Variants in MICAL3 observed in about 807,000 individuals in gnomAD.
MICAL3 encodes microtubule associated monooxygenase, calponin and LIM domain containing 3.
MICAL3 carries 62 observed loss-of-function variants against 207.4 expected under a neutral mutation model. The ratio of observed to expected loss-of-function variants is 0.30; its 90% CI spans 0.24 to 0.37. The LOEUF (loss-of-function observed/expected upper bound fraction) is 0.37. Among genes scored for constraint, MICAL3 ranks in the 10% least tolerant of loss-of-function variants. MICAL3 has a pLI of 1.00. For missense variants in MICAL3, 2,368 were observed against 2,635.6 expected, an observed-to-expected ratio of 0.90 and a Z score of 2.22; for synonymous variants, 1,077 against 1,069.3, an observed-to-expected ratio of 1.01 and a Z score of -0.14.
At chr22:18,021,555 G>A (rs1248130268) in intron 1 of MICAL3, among the ~76,000 whole-genome samples, 3 of 152,224 alleles carry the variant, frequency 2.0e-5, no homozygotes, top group Admixed American at 2.0e-4. Flanking sequence ...ATGCATGCAT[G>A]GCTATGCACA....
chr22:17,992,090 G>C (rs369988791), intron 1 of MICAL3, among the ~76,000 whole-genome samples: 1 of 152,194 alleles, frequency 6.6e-6, no homozygotes, highest in East Asian at 1.9e-4. Context: ...CCTCTAGGAA[G>C]GGCTGCCCAG....
chr22:17,810,621 G>C, intron 28 of MICAL3, 82 bp downstream of exon 28: 2 of 1,128,198 alleles, frequency 1.8e-6, no homozygotes, highest in South Asian at 1.3e-5. Flanking sequence ...GTGCTTGTGT[G>C]GCAGGGAGCA....
At position 17,902,542 on chromosome 22, in the gene MICAL3, T is replaced by A. The variant is rs1931408469; in HGVS notation, c.589+89A>T. 1 of 760,942 alleles carries A rather than the reference T, an allele frequency of 1.3e-6. No individual in the cohort carries two copies. Among genetic ancestry groups the A allele is most frequent in the Non-Finnish European group, 2.2e-6 (1 of 456,218 alleles). The allele number at this position is 760,942 out of a possible 1,614,324, so 47.1% of individuals were successfully genotyped here. On this transcript the variant is annotated intron_variant, in intron 4 of 31. Transcript: ENST00000441493. This position sits in a 1 kb window ranked among gnomAD's most constrained non-coding sequence, Gnocchi z 4.5. ...CTTTGGCTAGCTCTGGAAGCAGCCC[T>A]CAGGAGCCTTTGGTTTGCTCCCTCA...
Position 17,895,421 on chromosome 22 carries a change from A to G in MICAL3, c.1323-11T>C. 1.9e-6 allele frequency: 3 copies of G among 1,613,288 alleles called. No homozygotes were observed. Among genetic ancestry groups the G allele is most frequent in the Middle Eastern group, 1.7e-4 (1 of 6,056 alleles). Reference sequence around the variant, plus strand: ...CTGTAAATACTTTCCCTGCAATAACACAACAATATACTCAGAATCGGGACC... The same window carrying G: ...CTGTAAATACTTTCCCTGCAATAACGCAACAATATACTCAGAATCGGGACC... On this transcript the variant is annotated splice_polypyrimidine_tract_variant and intron_variant, in intron 9 of 31. Transcript: ENST00000441493.
At position 17,991,092 on chromosome 22, in the gene MICAL3, T is replaced by A. The variant is rs189788640; in HGVS notation, c.-75+33189A>T. 3.6e-3 allele frequency among the ~76,000 whole-genome samples: 544 copies of A among 152,300 alleles called. 5 individuals are homozygous for A. Among genetic ancestry groups the A allele is most frequent in the African/African-American group, 0.012 (518 of 41,558 alleles). ...TCCTGGCGTGCAGATGAATACTGCA[T>A]GAGCAGAGGCTGGGCCAGCCAGGCC... is the stretch of plus-strand genomic sequence containing the variant. On this transcript the variant is annotated intron_variant, in intron 1 of 31. Coordinates refer to ENST00000441493, the MANE Select transcript of MICAL3 (RefSeq NM_015241.3).
intron 1 of MICAL3, among the ~76,000 whole-genome samples, chr22:17,977,839 C>A (rs1275756152): frequency 6.6e-6 from 1 of 151,992 alleles, no homozygotes; most frequent in East Asian, 1.9e-4. Context: ...GCCTGACCAA[C>A]ATGGAAAAAC....
At chr22:17,863,883 C>T (rs1043296730) in intron 19 of MICAL3, 5 of 985,426 alleles carry the variant, frequency 5.1e-6, no homozygotes, top group Non-Finnish European at 6.0e-6. Context: ...ACTGGCTGAC[C>T]ATCTTTAATT....
chr22:17,997,050 CTTTTT>C (rs71716810), intron 1 of MICAL3, among the ~76,000 whole-genome samples: 2 of 75,504 alleles, frequency 2.6e-5, no homozygotes, highest in East Asian at 4.5e-4. Flanking sequence ...CCCATCTAGT[CTTTTT>C]TTTTTTTTTT....
At chr22:17,824,142 C>T (rs928162581) in intron 22 of MICAL3, among the ~76,000 whole-genome samples, 20 of 152,336 alleles carry the variant, frequency 1.3e-4, no homozygotes, top group African/African-American at 4.1e-4. Context: ...GAGGGCGGCA[C>T]GCTCTGCTCT....
chr22:17,864,240 AG>A, intron 19 of MICAL3: 1 of 1,028,338 alleles, frequency 9.7e-7, no homozygotes, highest in Non-Finnish European at 1.2e-6. Flanking sequence ...TCCCAACACA[AG>A]GAAGTGGTCA....
intron 2 of MICAL3, among the ~76,000 whole-genome samples, chr22:17,905,355 T>C (rs1203026151): frequency 1.3e-5 from 2 of 151,906 alleles, no homozygotes; most frequent in East Asian, 3.9e-4. Context: ...CTAATAAGAG[T>C]TCCAAAATCC....
At chr22:17,917,093 G>A (rs559883586) in intron 1 of MICAL3, among the ~76,000 whole-genome samples, 3 of 152,118 alleles carry the variant, frequency 2.0e-5, no homozygotes, top group African/African-American at 7.2e-5. Context: ...ATGACCCACG[G>A]AGACACAAGC....
chr22:17,802,244 TTA>T (rs2061948344), intron 29 of MICAL3, among the ~76,000 whole-genome samples: 1 of 151,998 alleles, frequency 6.6e-6, no homozygotes, highest in Non-Finnish European at 1.5e-5. Context: ...TAAAATTTCT[TTA>T]TAGAGACGGG....
chr22:17,886,719 C>G (rs1035461076), intron 15 of MICAL3, among the ~76,000 whole-genome samples: 3 of 150,628 alleles, frequency 2.0e-5, no homozygotes, highest in African/African-American at 7.3e-5. Flanking sequence ...GCATGAGAAT[C>G]GCTTGAACCC....
intron 20 of MICAL3, among the ~76,000 whole-genome samples, chr22:17,835,964 C>A (rs375185753): frequency 7.9e-5 from 12 of 152,332 alleles, no homozygotes; most frequent in East Asian, 7.7e-4. Flanking sequence ...AGAGGTTGCA[C>A]CCCGACTGTC....
At chr22:17,916,067 A>AAAAC (rs1556399635) in intron 1 of MICAL3, among the ~76,000 whole-genome samples, 75 of 150,088 alleles carry the variant, frequency 5.0e-4, no homozygotes, top group African/African-American at 1.8e-3. Context: ...AAAAAAAAAA[A>AAAAC]AAAAAAAAAA....
chr22:17,889,238 A>ACAGGACAAG lies in MICAL3; in HGVS notation c.1695-17_1695-9dup, dbSNP rs1404776476. On this transcript the variant is annotated splice_polypyrimidine_tract_variant and intron_variant, in intron 12 of 31. Coordinates refer to ENST00000441493, the MANE Select transcript of MICAL3 (RefSeq NM_015241.3). Reference sequence around the variant, plus strand: ...TCCAAAGAATCAAAATCTCTGAGAAACAGGACAAGGAAAACATATCAAGAT... The same window carrying ACAGGACAAG: ...TCCAAAGAATCAAAATCTCTGAGAAACAGGACAAGCAGGACAAGGAAAACATATCAAGAT... 1.2e-6 allele frequency: 2 copies of ACAGGACAAG among 1,605,128 alleles called. No individual in the cohort carries two copies. Among genetic ancestry groups the ACAGGACAAG allele is most frequent in the Non-Finnish European group, 8.5e-7 (1 of 1,172,144 alleles).
At position 17,934,708 on chromosome 22, in the gene MICAL3, C is replaced by G. The variant is rs547149901; in HGVS notation, c.-74-27822G>C. ...TGACATGATTGTATATTTAGAAAAC[C>G]CCACTGTTTCAGCCCCAAATCTCCT... On this transcript the variant is annotated intron_variant, in intron 1 of 31. Transcript: ENST00000441493. Among the ~76,000 whole-genome samples, 25 of 152,156 alleles carry G rather than the reference C, an allele frequency of 1.6e-4. No individual in the cohort carries two copies. In the South Asian group the frequency reaches 5.0e-3, roughly 30 times the overall value.
At position 17,962,331 on chromosome 22, in the gene MICAL3, G is replaced by A. The variant is rs983051578; in HGVS notation, c.-74-55445C>T. On this transcript the variant is annotated intron_variant, in intron 1 of 31. Transcript: ENST00000441493. ...AGGAACAGAGAGGGCCGCTCAGGGAGAGGAAGCACAGTGCCACCGGAGGCA... is the reference window on the plus strand; with the variant it reads ...AGGAACAGAGAGGGCCGCTCAGGGAAAGGAAGCACAGTGCCACCGGAGGCA... Among the ~76,000 whole-genome samples the A allele has an allele frequency of 1.3e-3, 200 of 152,254 alleles. 1 individual carries two copies. The highest frequency in any genetic ancestry group is 4.8e-3 in the African/African-American group (198 of 41,472).
Sources: allele counts gnomAD v4.1 joint callset (sites outside exome capture counted in the v4.1 genomes callset), GRCh38; gene constraint gnomAD v4.1.1; non-coding constraint Gnocchi (gnomAD v3.1); transcripts MANE v1.5; gene names NCBI Gene and HGNC (gene_info 2026-07-23, HGNC 2026-07-21).